SYCP2L: variants seen among roughly 807,000 people sequenced by gnomAD.
The protein encoded by SYCP2L is synaptonemal complex protein 2 like.
In SYCP2L, 98 loss-of-function variants were observed where a neutral mutation model predicts 125.8. The ratio of observed to expected loss-of-function variants is 0.78; its 90% CI spans 0.66 to 0.92. SYCP2L has a LOEUF of 0.92. Ranked by LOEUF, SYCP2L falls within the 40% of genes least tolerant of loss-of-function variation. SYCP2L has a pLI of 0.00. For missense variants in SYCP2L, 842 were observed against 936.4 expected, an observed-to-expected ratio of 0.90 and a Z score of 1.32; for synonymous variants, 317 against 325.4, an observed-to-expected ratio of 0.97 and a Z score of 0.28.
At position 10,930,507 on chromosome 6, in the gene SYCP2L, T is replaced by C; in HGVS notation, c.1626T>C (p.Asn542=). ...GAAAGAAGACAAGAACCAGAAGTAA[T>C]TTGAGAAGTAAGTCTGGCATGTCTT... The part of the protein sequence containing the change: ...SSRKKTRTRS[N]LRILPVFPPS... The change falls in exon 19 of 30, where the codon AAT becomes AAC. Residue 542 remains asparagine, a synonymous_variant. Coordinates refer to ENST00000283141, the MANE Select transcript of SYCP2L (RefSeq NM_001040274.3). The C allele has an allele frequency of 1.2e-6, 2 of 1,609,936 alleles. No homozygotes were observed. Among genetic ancestry groups the C allele is most frequent in the South Asian group, 2.2e-5 (2 of 90,096 alleles).
rs567802047 is a variant in SYCP2L at position 10,941,525 on chromosome 6, GCA to G, written c.1814-933_1814-932del. ...ACACTTCTCAAAAGAAGACATTTAT[GCA>G]GCCAACAGACACATGAAAAAATGCT... On this transcript the variant is annotated intron_variant, in intron 21 of 29. Coordinates refer to ENST00000283141, the MANE Select transcript of SYCP2L (RefSeq NM_001040274.3). Among the ~76,000 whole-genome samples, 41 of 152,342 alleles carry G rather than the reference GCA, an allele frequency of 2.7e-4. No homozygotes were observed. The East Asian group carries it at 5.6e-3, about 21-fold the overall frequency.
chr6:10,937,988 G>C (rs1354485879), intron 21 of SYCP2L, among the ~76,000 whole-genome samples: 2 of 152,122 alleles, frequency 1.3e-5, no homozygotes, highest in Non-Finnish European at 2.9e-5. Flanking sequence ...AGTATTTAAA[G>C]AAAAATTAAT....
At chr6:10,914,416 A>G (rs187439817) in intron 14 of SYCP2L, among the ~76,000 whole-genome samples, 13 of 152,212 alleles carry the variant, frequency 8.5e-5, no homozygotes, top group African/African-American at 2.2e-4. Flanking sequence ...GCCTTGTAGT[A>G]TAGTTTGAAG....
chr6:10,916,303 TG>T (rs1192183279), intron 14 of SYCP2L, among the ~76,000 whole-genome samples: 2 of 152,222 alleles, frequency 1.3e-5, no homozygotes, highest in Non-Finnish European at 2.9e-5. Flanking sequence ...TGTATTGTTT[TG>T]TTTCAATTTC....
At chr6:10,907,502 G>A in intron 9 of SYCP2L, 40 bp from the exon 10 acceptor site, 1 of 1,570,208 alleles carries the variant, frequency 6.4e-7, no homozygotes. Context: ...TTTGCTTTGT[G>A]CCCAGAATTA....
chr6:10,934,592 A>G (rs966539532), intron 20 of SYCP2L, among the ~76,000 whole-genome samples: 1 of 152,234 alleles, frequency 6.6e-6, no homozygotes, highest in Middle Eastern at 3.2e-3. Context: ...AGGCACGAGA[A>G]TTGCTTGAAC....
intron 21 of SYCP2L, among the ~76,000 whole-genome samples, chr6:10,939,647 G>A (rs1008283190): frequency 2.0e-5 from 3 of 152,182 alleles, no homozygotes; most frequent in South Asian, 4.1e-4. Flanking sequence ...TTCAATAAAT[G>A]TTTTGGGAAA....
intron 8 of SYCP2L, among the ~76,000 whole-genome samples, chr6:10,904,647 A>G (rs1780452208): frequency 6.6e-6 from 1 of 152,196 alleles, no homozygotes; most frequent in African/African-American, 2.4e-5. Context: ...TGTGTTCTAG[A>G]AAGTCTGGAA....
chr6:10,973,018 CAG>C (rs778526282), intron 29 of SYCP2L, among the ~76,000 whole-genome samples: 17 of 152,300 alleles, frequency 1.1e-4, no homozygotes, highest in African/African-American at 3.4e-4. Flanking sequence ...AATAAGGAAA[CAG>C]GGGAGAATAG....
At chr6:10,950,355 T>C (rs1303517813) in intron 23 of SYCP2L, among the ~76,000 whole-genome samples, 2 of 152,154 alleles carry the variant, frequency 1.3e-5, no homozygotes, top group Non-Finnish European at 2.9e-5. Flanking sequence ...TTTGGCTGCT[T>C]CTCTAGTTTT....
chr6:10,905,339 C>T (rs1013756431), intron 8 of SYCP2L, among the ~76,000 whole-genome samples: 5 of 151,462 alleles, frequency 3.3e-5, no homozygotes, highest in African/African-American at 1.2e-4. Context: ...GTTGCCCAGG[C>T]TGGAGTGCAA....
chr6:10,965,431 C>T (rs1289782233), intron 29 of SYCP2L, among the ~76,000 whole-genome samples: 1 of 152,134 alleles, frequency 6.6e-6, no homozygotes, highest in Non-Finnish European at 1.5e-5. Flanking sequence ...GTGGGTCAAA[C>T]AGGAACTACA....
chr6:10,912,988 C>T lies in SYCP2L; in HGVS notation c.1072+61C>T. The T allele has an allele frequency of 1.4e-6, 2 of 1,470,268 alleles. No homozygotes were observed. The highest frequency in any genetic ancestry group is 1.9e-6 in the Non-Finnish European group (2 of 1,064,332). The allele number at this position is 1,470,268 out of a possible 1,614,324, so 91.1% of individuals were successfully genotyped here. ...CCAAATATTATTTCTGTTGTATATG[C>T]AGTGTGTATTTATTTAATTCTAGGG... is the stretch of plus-strand genomic sequence containing the variant. On this transcript the variant is annotated intron_variant, in intron 14 of 29. Transcript: ENST00000283141. This position sits in a 1 kb window ranked among gnomAD's most constrained non-coding sequence, Gnocchi z 4.1.
intron 14 of SYCP2L, among the ~76,000 whole-genome samples, chr6:10,919,910 C>T (rs1780762923): frequency 6.6e-6 from 1 of 152,120 alleles, no homozygotes; most frequent in South Asian, 2.1e-4. Flanking sequence ...AAGGGCCGGT[C>T]TCACTCCCAC....
At chr6:10,973,656 C>T (rs933722290) in intron 29 of SYCP2L, among the ~76,000 whole-genome samples, 3 of 152,234 alleles carry the variant, frequency 2.0e-5, no homozygotes, top group African/African-American at 7.2e-5. Context: ...AAAGAGCTGT[C>T]TTATCTCCAA....
rs186038114 is a variant in SYCP2L, at chr6:10,901,529, T to G, written c.467-1148T>G. ...TTTTATTACAGCAGAGTTTCTCAAT[T>G]TTGGCAATATAGATATTTTGAACTG... On this transcript the variant is annotated intron_variant, in intron 6 of 29. Transcript: ENST00000283141. Among the ~76,000 whole-genome samples, 29 of 152,330 alleles carry G rather than the reference T, an allele frequency of 1.9e-4. No individual in the cohort carries two copies. The Middle Eastern group carries it at 0.01, about 54-fold the overall frequency.
intron 12 of SYCP2L, 124 bp downstream of exon 12, chr6:10,910,993 C>A: frequency 1.0e-6 from 1 of 1,003,066 alleles, no homozygotes; most frequent in Non-Finnish European, 1.6e-6. Flanking sequence ...AGGATGCCAA[C>A]GTCTTCTAAT....
intron 21 of SYCP2L, 136 bp downstream of exon 21, chr6:10,935,323 C>T (rs769886297): frequency 1.3e-5 from 12 of 918,840 alleles, no homozygotes; most frequent in Non-Finnish European, 1.9e-5. Flanking sequence ...CTTAATGTCT[C>T]TTATTAGCAA....
chr6:10,911,960 C>T (rs534033366), intron 12 of SYCP2L, among the ~76,000 whole-genome samples: 1 of 116,006 alleles, frequency 8.6e-6, no homozygotes, highest in South Asian at 3.0e-4. Context: ...GGAGTGCCAT[C>T]ATGTGATCTC....
Sources: allele counts gnomAD v4.1 joint callset (sites outside exome capture counted in the v4.1 genomes callset), GRCh38; gene constraint gnomAD v4.1.1; non-coding constraint Gnocchi (gnomAD v3.1); transcripts MANE v1.5; gene names NCBI Gene and HGNC (gene_info 2026-07-23, HGNC 2026-07-21).